The following ADCY8 variants were observed in gnomAD, a reference collection of about 807,000 sequenced individuals.
ADCY8 encodes adenylate cyclase type 8.
In ADCY8, 51 loss-of-function variants were observed where a neutral mutation model predicts 119.7. The ratio of observed to expected loss-of-function variants is 0.43; its 90% CI spans 0.34 to 0.54. The LOEUF (loss-of-function observed/expected upper bound fraction) is 0.54, where lower values mean the gene tolerates loss of function less well. Ranked by LOEUF, ADCY8 falls within the 20% of genes least tolerant of loss-of-function variation. ADCY8 has a pLI of 0.03. For missense variants in ADCY8, 1,383 were observed against 1,598.8 expected, an observed-to-expected ratio of 0.87 and a Z score of 2.30; for synonymous variants, 665 against 651.0, an observed-to-expected ratio of 1.02 and a Z score of -0.33.
intron 5 of ADCY8, among the ~76,000 whole-genome samples, chr8:130,920,947 AT>A (rs1820282663): frequency 6.6e-6 from 1 of 152,208 alleles, no homozygotes; most frequent in Non-Finnish European, 1.5e-5. Flanking sequence ...CACCCTGCAG[AT>A]TTTAGACTTA....
chr8:130,824,868 G>A (rs1816626264), intron 12 of ADCY8, among the ~76,000 whole-genome samples: 3 of 152,162 alleles, frequency 2.0e-5, no homozygotes, highest in African/African-American at 7.2e-5. Context: ...AGCCCTATGT[G>A]AATGCACAGG....
At chr8:130,797,741 G>A (rs1031304296) in intron 15 of ADCY8, among the ~76,000 whole-genome samples, 6 of 152,126 alleles carry the variant, frequency 3.9e-5, no homozygotes, top group Non-Finnish European at 8.8e-5. Context: ...TTGTGTAAGG[G>A]CAACTCATAG....
chr8:130,912,537 A>G (rs1820013018), intron 5 of ADCY8, among the ~76,000 whole-genome samples: 1 of 152,230 alleles, frequency 6.6e-6, no homozygotes, highest in Admixed American at 6.5e-5. Context: ...TTAAAAGAAA[A>G]AAATAAATAA....
At chr8:131,007,003 C>T (rs1055427158) in intron 1 of ADCY8, among the ~76,000 whole-genome samples, 1 of 151,984 alleles carries the variant, frequency 6.6e-6, no homozygotes, top group African/African-American at 2.4e-5. Flanking sequence ...GATATCATGT[C>T]CAAAGGAGAT....
intron 2 of ADCY8, among the ~76,000 whole-genome samples, chr8:130,990,110 C>T (rs79539044): frequency 0.011 from 1,655 of 152,256 alleles, 5 homozygotes; most frequent in Non-Finnish European, 0.013. Context: ...GGAATCATGA[C>T]CTTGTTCACA....
rs1586576894 is a variant in ADCY8 at position 130,925,588 on chromosome 8, T to C, written c.1481+11485A>G. The stretch of plus-strand genomic sequence containing the variant: ...CCCAACCCATCCCACTCACTCAGCA[T>C]ATTTTCTATGTCACCTTACAGTACA... On this transcript the variant is annotated intron_variant, in intron 5 of 17. Coordinates refer to ENST00000286355, the MANE Select transcript of ADCY8 (RefSeq NM_001115.3). 2.0e-5 allele frequency among the ~76,000 whole-genome samples: 3 copies of C among 152,268 alleles called. No homozygotes were observed. In the South Asian group the frequency reaches 6.2e-4, roughly 32 times the overall value.
intron 7 of ADCY8, among the ~76,000 whole-genome samples, chr8:130,886,014 A>C (rs1244874848): frequency 6.6e-6 from 1 of 151,842 alleles, no homozygotes; most frequent in Non-Finnish European, 1.5e-5. Context: ...AGATCTGCTG[A>C]CTCCAGGACC....
intron 5 of ADCY8, among the ~76,000 whole-genome samples, chr8:130,916,386 C>G (rs112130533): frequency 0.011 from 1,664 of 152,250 alleles, 22 homozygotes; most frequent in African/African-American, 0.039. Context: ...CCATGAAGCC[C>G]AACTTTTCCT....
At position 130,836,296 on chromosome 8, in the gene ADCY8, T is replaced by G. The variant is rs1231365071; in HGVS notation, c.2656A>C (p.Asn886His). 7 of 1,613,378 alleles carry G rather than the reference T, an allele frequency of 4.3e-6. No homozygotes were observed. Among genetic ancestry groups the G allele is most frequent in the Admixed American group, 1.7e-5 (1 of 59,954 alleles). The change falls in exon 12 of 18, where the codon AAC becomes CAC. Residue 886 changes from asparagine (N) to histidine (H), a missense_variant. Asn to His is a moderately conservative substitution (Grantham distance 68). Coordinates refer to ENST00000286355, the MANE Select transcript of ADCY8 (RefSeq NM_001115.3). The part of the protein sequence containing the change: ...VYAGLFLRYD[N>H]LNHSGEDFLG... Reference sequence around the variant, plus strand: ...ACTTACTCTCCACTGTGGTTGAGGTTGTCATAACGCAGAAAGAGGCCTGCG... The same window carrying G: ...ACTTACTCTCCACTGTGGTTGAGGTGGTCATAACGCAGAAAGAGGCCTGCG...
At chr8:130,956,164 C>A (rs1158798245) in intron 2 of ADCY8, among the ~76,000 whole-genome samples, 1 of 152,070 alleles carries the variant, frequency 6.6e-6, no homozygotes, top group Non-Finnish European at 1.5e-5. Flanking sequence ...AACAAACAAA[C>A]AAAAAAATCT....
intron 12 of ADCY8, among the ~76,000 whole-genome samples, chr8:130,822,448 G>A (rs1253002333): frequency 6.6e-6 from 1 of 152,104 alleles, no homozygotes; most frequent in Non-Finnish European, 1.5e-5. Context: ...GAAGAGGGCT[G>A]GACTGTGAGC....
chr8:130,941,243 C>G (rs902841342), intron 4 of ADCY8, among the ~76,000 whole-genome samples: 1 of 152,158 alleles, frequency 6.6e-6, no homozygotes, highest in Non-Finnish European at 1.5e-5. Context: ...ACCCTGGAAG[C>G]CTGGTCTTCC....
Position 131,039,935 on chromosome 8 carries a change from G to A in ADCY8, c.399C>T (p.Asp133=), listed in dbSNP as rs1824312773. Residue 133 remains aspartate, a synonymous_variant, in exon 1 of 18, where the codon GAC becomes GAT. Coordinates refer to ENST00000286355, the MANE Select transcript of ADCY8 (RefSeq NM_001115.3). ...AGAAATCCGAGTTGCTAGGGGCACA[G>A]TCAAGGTGCAGGAAGCCCAGGTCGC... ...GGGDLGFLHL[D]CAPSNSDFFL... 2 of 1,605,664 alleles carry A rather than the reference G, an allele frequency of 1.2e-6. No homozygotes were observed. Among genetic ancestry groups the A allele is most frequent in the Non-Finnish European group, 1.7e-6 (2 of 1,176,096 alleles).
intron 2 of ADCY8, among the ~76,000 whole-genome samples, chr8:130,957,265 CTTG>C (rs1303463741): frequency 1.3e-5 from 2 of 152,112 alleles, no homozygotes; most frequent in African/African-American, 2.4e-5. Flanking sequence ...AAAGGTGACT[CTTG>C]TTGTGTTTTA....
chr8:130,864,776 A>T (rs1171108307), intron 9 of ADCY8, among the ~76,000 whole-genome samples: 1 of 151,962 alleles, frequency 6.6e-6, no homozygotes, highest in African/African-American at 2.4e-5. Context: ...CACATTGCCT[A>T]CTTCTATTAG....
At chr8:130,857,065 A>G (rs906460082) in intron 9 of ADCY8, among the ~76,000 whole-genome samples, 29 of 141,242 alleles carry the variant, frequency 2.1e-4, no homozygotes, top group Non-Finnish European at 2.0e-4. Context: ...AGAACTTTGC[A>G]GGGCACACCA....
intron 15 of ADCY8, among the ~76,000 whole-genome samples, chr8:130,787,042 G>A (rs1409131061): frequency 6.6e-6 from 1 of 152,144 alleles, no homozygotes; most frequent in Non-Finnish European, 1.5e-5. Context: ...AGTGTGGTAA[G>A]CCAGGCCATA....
At chr8:130,840,424 G>C (rs1817104466) in intron 11 of ADCY8, among the ~76,000 whole-genome samples, 1 of 96,902 alleles carries the variant, frequency 1.0e-5, no homozygotes, top group Admixed American at 1.1e-4. Context: ...GCATTTTTGG[G>C]GATGTGAGGA....
At chr8:130,822,543 C>A (rs76229282) in intron 12 of ADCY8, among the ~76,000 whole-genome samples, 514 of 23,906 alleles carry the variant, frequency 0.022, 3 homozygotes, top group African/African-American at 0.046. Context: ...TGAATCCATC[C>A]ATCCATCCAT....
Sources: allele counts gnomAD v4.1 joint callset (sites outside exome capture counted in the v4.1 genomes callset), GRCh38; gene constraint gnomAD v4.1.1; transcripts MANE v1.5; gene names NCBI Gene and HGNC (gene_info 2026-07-23, HGNC 2026-07-21).